Variants in OR1J2 observed in about 807,000 individuals in gnomAD.
OR1J2 encodes the protein olfactory receptor family 1 subfamily J member 2.
For synonymous variants in OR1J2, 142 were observed against 99.7 expected (o/e 1.42, Z -2.52); for missense variants, 304 against 246.1 (o/e 1.24, Z -1.57).
At chr9:122,506,948 A>T (rs1442488530), upstream of OR1J2, among the ~76,000 whole-genome samples, 1 of 152,196 alleles carries the variant, frequency 6.6e-6, no homozygotes, top group Non-Finnish European at 1.5e-5. Context: ...TGGTGTTTAA[A>T]TCAGGAATTT....
At chr9:122,542,361 G>C in the OR1J2 span, among the ~76,000 whole-genome samples, 1 of 152,040 alleles carries the variant, frequency 6.6e-6, no homozygotes, top group Non-Finnish European at 1.5e-5. Context: ...TAATATTTCT[G>C]GGCAATAGGG....
the OR1J2 span, among the ~76,000 whole-genome samples, chr9:122,579,948 A>G: frequency 2.4e-4 from 36 of 152,124 alleles, no homozygotes; most frequent in African/African-American, 8.2e-4. Flanking sequence ...CTCTTACCCA[A>G]TTAGGAAGGA....
the OR1J2 span, among the ~76,000 whole-genome samples, chr9:122,453,518 A>G: frequency 2.0e-5 from 3 of 152,220 alleles, no homozygotes; most frequent in Non-Finnish European, 2.9e-5. Context: ...GACTAATTCA[A>G]GTACACTACA....
chr9:122,522,022 AG>A, the OR1J2 span, among the ~76,000 whole-genome samples: 1 of 152,334 alleles, frequency 6.6e-6, no homozygotes, highest in African/African-American at 2.4e-5. Context: ...GACAGCCCAA[AG>A]CACACTGGGG....
downstream of OR1J2, among the ~76,000 whole-genome samples, chr9:122,514,511 C>T (rs1213325619): frequency 2.6e-5 from 4 of 152,096 alleles, no homozygotes; most frequent in Non-Finnish European, 5.9e-5. Context: ...TTTCTTTATC[C>T]AGTGCACCAT....
chr9:122,512,355 T>G (rs1828651188), downstream of OR1J2, among the ~76,000 whole-genome samples: 1 of 152,194 alleles, frequency 6.6e-6, no homozygotes, highest in Non-Finnish European at 1.5e-5. Flanking sequence ...GGAAAGATTG[T>G]CAAAACTCAG....
chr9:122,506,223 G>A (rs1828522041), upstream of OR1J2, among the ~76,000 whole-genome samples: 1 of 152,070 alleles, frequency 6.6e-6, no homozygotes, highest in South Asian at 2.1e-4. Flanking sequence ...AAAAACAGAG[G>A]GTAGAACAGA....
chr9:122,511,638 G>A lies in OR1J2; in HGVS notation c.837G>A (p.Thr279=), dbSNP rs200319589. ...DKDVIVALMY[T]VVTPMLNPFI... is the part of the protein sequence containing the mutation. ...ATGTCATTGTGGCTCTCATGTACAC[G>A]GTGGTCACACCCATGTTGAACCCCT... is the stretch of plus-strand genomic sequence containing the variant. The change falls in exon 1 of 1, where the codon ACG becomes ACA. Residue 279 remains threonine, a synonymous_variant. Transcript: ENST00000335302. The A allele has an allele frequency of 1.1e-4, 84 of 780,864 alleles. No homozygotes were observed. The highest frequency in any genetic ancestry group is 8.3e-4 in the Admixed American group (49 of 59,010). 48.4% of individuals were successfully genotyped at this position (780,864 alleles called of 1,614,324 possible). A position where few individuals can be genotyped will look rare whatever the true frequency, so the allele number is the denominator to read the frequency against.
chr9:122,567,728 C>T, the OR1J2 span: 41 of 1,613,792 alleles, frequency 2.5e-5, no homozygotes, highest in Admixed American at 8.3e-5. Flanking sequence ...CATAAAAGAG[C>T]GTCACCACGG....
the OR1J2 span, among the ~76,000 whole-genome samples, chr9:122,557,992 C>T: frequency 4.0e-5 from 6 of 151,876 alleles, no homozygotes; most frequent in Non-Finnish European, 7.4e-5. Context: ...TGTTTGTGGG[C>T]ACAGATTTGT....
chr9:122,570,236 A>T, the OR1J2 span, among the ~76,000 whole-genome samples: 17 of 151,368 alleles, frequency 1.1e-4, no homozygotes, highest in African/African-American at 4.1e-4. Flanking sequence ...CTAGTTCTAG[A>T]TCCCTGAGGA....
At chr9:122,465,816 T>C in the OR1J2 span, among the ~76,000 whole-genome samples, 162 of 152,310 alleles carry the variant, frequency 1.1e-3, no homozygotes, top group African/African-American at 3.6e-3. Flanking sequence ...CTTCTCTCTA[T>C]TTCTTCTTTG....
At chr9:122,494,557 T>G in the OR1J2 span, among the ~76,000 whole-genome samples, 1 of 152,290 alleles carries the variant, frequency 6.6e-6, no homozygotes, top group East Asian at 1.9e-4. Flanking sequence ...CCCTTTACCT[T>G]AAGTGTATGT....
At chr9:122,566,536 AT>A in the OR1J2 span, among the ~76,000 whole-genome samples, 1 of 152,184 alleles carries the variant, frequency 6.6e-6, no homozygotes, top group East Asian at 1.9e-4. Context: ...GTAAAGATAT[AT>A]TTGATTCTTT....
At chr9:122,539,339 C>G in the OR1J2 span, among the ~76,000 whole-genome samples, 4 of 151,958 alleles carry the variant, frequency 2.6e-5, no homozygotes, top group Admixed American at 2.6e-4. Flanking sequence ...TGTTCAATTC[C>G]CACCTATGAG....
the OR1J2 span, among the ~76,000 whole-genome samples, chr9:122,491,576 GAGA>G: frequency 6.6e-6 from 1 of 152,126 alleles, no homozygotes; most frequent in Non-Finnish European, 1.5e-5. Flanking sequence ...ACCAGAGATG[GAGA>G]AGGAGAATAT....
chr9:122,541,844 T>C, the OR1J2 span, among the ~76,000 whole-genome samples: 1 of 152,206 alleles, frequency 6.6e-6, no homozygotes, highest in African/African-American at 2.4e-5. Flanking sequence ...AAATGTTATT[T>C]GGTTACGGCA....
the OR1J2 span, among the ~76,000 whole-genome samples, chr9:122,470,694 C>T: frequency 6.6e-6 from 1 of 152,162 alleles, no homozygotes. Flanking sequence ...AATGCCAGCC[C>T]ATGAATGCAG....
chr9:122,517,033 A>G, the OR1J2 span, among the ~76,000 whole-genome samples: 2 of 152,166 alleles, frequency 1.3e-5, no homozygotes, highest in Non-Finnish European at 2.9e-5. Context: ...TTCAGATTGT[A>G]TGCAGTCATT....
Sources: allele counts gnomAD v4.1 joint callset (sites outside exome capture counted in the v4.1 genomes callset), GRCh38; gene constraint gnomAD v4.1.1; transcripts MANE v1.5; gene names NCBI Gene and HGNC (gene_info 2026-07-23, HGNC 2026-07-21).